The following SNX29 variants were observed in gnomAD, a reference collection of about 807,000 sequenced individuals.
SNX29 encodes the protein sorting nexin 29, also known as sorting nexin-29.
In SNX29, 78 loss-of-function variants were observed where a neutral mutation model predicts 102.1. The observed-to-expected ratio is 0.76, with a 90% confidence interval of 0.64 to 0.92. The LOEUF (loss-of-function observed/expected upper bound fraction) is 0.92, where lower values mean the gene tolerates loss of function less well. Among genes scored for constraint, SNX29 ranks in the 40% least tolerant of loss-of-function variants. SNX29 has a pLI of 0.00. For missense variants in SNX29, 1,280 were observed against 1,061.7 expected, an observed-to-expected ratio of 1.21 and a Z score of -2.86; for synonymous variants, 580 against 414.5, an observed-to-expected ratio of 1.40 and a Z score of -4.85.
Position 12,007,919 on chromosome 16 carries a change from C to T in SNX29, c.122+4876C>T, listed in dbSNP as rs554848875. Among the ~76,000 whole-genome samples the T allele has an allele frequency of 1.1e-3, 173 of 152,272 alleles. 2 individuals are homozygous for T. Among genetic ancestry groups the T allele is most frequent in the African/African-American group, 4.0e-3 (167 of 41,568 alleles). ...GATCCAGCCATCTGCCCTTTTTCTC[C>T]TTTTGTTTTTAAAGCTTTTCACTAC... On this transcript the variant is annotated intron_variant, in intron 3 of 20. Transcript: ENST00000566228.
chr16:12,481,625 C>T (rs1407982434), intron 19 of SNX29, among the ~76,000 whole-genome samples: 1 of 151,994 alleles, frequency 6.6e-6, no homozygotes, highest in Non-Finnish European at 1.5e-5. Context: ...ACCTCCGTCT[C>T]CTGGGTTCAA....
At chr16:12,481,644 C>G (rs1182286917) in intron 19 of SNX29, among the ~76,000 whole-genome samples, 2 of 151,942 alleles carry the variant, frequency 1.3e-5, no homozygotes, top group South Asian at 4.1e-4. Context: ...AAGTGATTAT[C>G]CTGCCTCAGC....
chr16:12,538,684 C>T (rs937030858), intron 20 of SNX29, among the ~76,000 whole-genome samples: 1 of 152,090 alleles, frequency 6.6e-6, no homozygotes, highest in Admixed American at 6.6e-5. Flanking sequence ...ATCCTCCTCC[C>T]AGGACCAGTG....
At chr16:12,398,841 A>G (rs994168666) in intron 17 of SNX29, among the ~76,000 whole-genome samples, 1 of 145,876 alleles carries the variant, frequency 6.9e-6, no homozygotes, top group African/African-American at 2.6e-5. Context: ...AGTAAAAGCT[A>G]TCCCCTTTGC....
At chr16:12,013,500 A>AAAAAAAAAATATATATATAT in intron 3 of SNX29, among the ~76,000 whole-genome samples, 4 of 31,626 alleles carry the variant, frequency 1.3e-4, no homozygotes, top group Non-Finnish European at 1.8e-4. Flanking sequence ...AAAAAAAAAA[A>AAAAAAAAAATATATATATAT]ATATATATAT....
chr16:12,193,880 G>T (rs532306484), intron 13 of SNX29, among the ~76,000 whole-genome samples: 1 of 152,204 alleles, frequency 6.6e-6, no homozygotes. Context: ...ACATTGGCTT[G>T]AGGGCTGTAG....
At chr16:12,331,338 A>G (rs2081286477) in intron 15 of SNX29, among the ~76,000 whole-genome samples, 1 of 152,216 alleles carries the variant, frequency 6.6e-6, no homozygotes, top group African/African-American at 2.4e-5. Context: ...TGGTACCAGA[A>G]AAAGACACAG....
At chr16:12,545,339 T>C (rs1179881352) in intron 20 of SNX29, 1 of 152,168 alleles carries the variant, frequency 6.6e-6, no homozygotes, top group Non-Finnish European at 1.5e-5. Flanking sequence ...GGGTGTCACA[T>C]AGTTCCAAGT....
chr16:12,544,414 C>G lies in SNX29; in HGVS notation c.2318+19573C>G, dbSNP rs186138619. Among the ~76,000 whole-genome samples, 37 of 152,276 alleles carry G rather than the reference C, an allele frequency of 2.4e-4. No homozygotes were observed. In the East Asian group the frequency reaches 5.0e-3, roughly 21 times the overall value. ...AGGTGGTTCTGCTAAAACATTATGT[C>G]AGCTGGTGGGATTTGGACGTTTCTC... On this transcript the variant is annotated intron_variant, in intron 20 of 20. Transcript: ENST00000566228.
At chr16:12,218,164 T>C (rs1010686557) in intron 14 of SNX29, among the ~76,000 whole-genome samples, 1 of 152,260 alleles carries the variant, frequency 6.6e-6, no homozygotes, top group Non-Finnish European at 1.5e-5. Flanking sequence ...TTGTACTTCA[T>C]ACTTTGATTT....
At chr16:12,210,663 T>C (rs1157701129) in intron 14 of SNX29, among the ~76,000 whole-genome samples, 1 of 152,082 alleles carries the variant, frequency 6.6e-6, no homozygotes, top group Non-Finnish European at 1.5e-5. Flanking sequence ...TTTTTCCAGC[T>C]GCATCCTTGC....
chr16:12,072,433 T>G (rs2051345038), intron 10 of SNX29, among the ~76,000 whole-genome samples: 1 of 152,184 alleles, frequency 6.6e-6, no homozygotes, highest in Non-Finnish European at 1.5e-5. Flanking sequence ...AATCATGTGG[T>G]TTTTGTCTTT....
At chr16:12,136,665 A>G (rs2054672424) in intron 13 of SNX29, among the ~76,000 whole-genome samples, 1 of 152,080 alleles carries the variant, frequency 6.6e-6, no homozygotes, top group South Asian at 2.1e-4. Context: ...TAGCACTGAG[A>G]CTCGCACAGG....
chr16:12,089,075 G>A (rs2052364571), intron 11 of SNX29, among the ~76,000 whole-genome samples: 1 of 151,622 alleles, frequency 6.6e-6, no homozygotes, highest in African/African-American at 2.4e-5. Context: ...GGCAGAGTGA[G>A]ACTTTGTCTC....
In SNX29 at chr16:12,568,608, G is replaced by T. The variant is rs1357466368; in HGVS notation, c.2421G>T (p.Glu807Asp). ...AGCCCCGGGAGACCCGCAACGTGGAGCCCCAGAGCGGTGACCTCTGACCTC... is the reference window on the plus strand; with the variant it reads ...AGCCCCGGGAGACCCGCAACGTGGATCCCCAGAGCGGTGACCTCTGACCTC... ...RGQPRETRNV[E>D]PQSGDL is the part of the protein sequence containing the mutation. Residue 807 changes from glutamate (E) to aspartate (D), a missense_variant, in exon 21 of 21, where the codon GAG becomes GAT. Transcript: ENST00000566228. 2 of 1,604,600 alleles carry T rather than the reference G, an allele frequency of 1.2e-6. No individual in the cohort carries two copies. Among genetic ancestry groups the T allele is most frequent in the South Asian group, 1.1e-5 (1 of 91,074 alleles).
At position 12,491,368 on chromosome 16, in the gene SNX29, C is replaced by T. The variant is rs76582631; in HGVS notation, c.2178+13509C>T. ...CAAATTGTACTCCAAGATGGCAGCACCAGTGGTTCACTCTCAATCATGGGT... is the reference window on the plus strand; with the variant it reads ...CAAATTGTACTCCAAGATGGCAGCATCAGTGGTTCACTCTCAATCATGGGT... On this transcript the variant is annotated intron_variant, in intron 19 of 20. Transcript: ENST00000566228. 9.8e-3 allele frequency among the ~76,000 whole-genome samples: 1,497 copies of T among 152,328 alleles called. 29 individuals carry two copies. The highest frequency in any genetic ancestry group is 0.035 in the African/African-American group (1,440 of 41,558).
rs58157322 is a variant in SNX29 at position 12,512,369 on chromosome 16, A to AATATATATAT, written c.2179-12293_2179-12284dup. Among the ~76,000 whole-genome samples, 84 of 43,886 alleles carry AATATATATAT rather than the reference A, an allele frequency of 1.9e-3. 1 individual carries two copies. The highest frequency in any genetic ancestry group is 3.0e-3 in the Non-Finnish European group (71 of 23,732). The allele number at this position is 43,886 out of a possible 152,430, so 28.8% of individuals were successfully genotyped here. Reference sequence around the variant, plus strand: ...CGTCCATCATGGAAGGCCCAGGGAAAATATATATATATATATATATATATA... The same window carrying AATATATATAT: ...CGTCCATCATGGAAGGCCCAGGGAAAATATATATATATATATATATATATATATATATATA... On this transcript the variant is annotated intron_variant, in intron 19 of 20. Coordinates refer to ENST00000566228, the MANE Select transcript of SNX29 (RefSeq NM_032167.5).
At position 12,568,666 on chromosome 16, in the gene SNX29, C is replaced by G. The variant is rs1018185252; in HGVS notation, c.*37C>G. On this transcript the variant is annotated 3_prime_UTR_variant, in exon 21 of 21. Transcript: ENST00000566228. ...CCGCAGCCACGGGCCCTGTGCGTGG[C>G]ACCAGCTGCGTCCACCCCAGCCACT... 53 of 1,593,024 alleles carry G rather than the reference C, an allele frequency of 3.3e-5. No individual in the cohort carries two copies. The highest frequency in any genetic ancestry group is 4.3e-5 in the Non-Finnish European group (50 of 1,176,144).
At chr16:12,277,473 A>T in intron 14 of SNX29, among the ~76,000 whole-genome samples, 1 of 152,132 alleles carries the variant, frequency 6.6e-6, no homozygotes, top group East Asian at 1.9e-4. Context: ...CTGCCAAAAC[A>T]TTGCCTGTTT....
Sources: allele counts gnomAD v4.1 joint callset (sites outside exome capture counted in the v4.1 genomes callset), GRCh38; gene constraint gnomAD v4.1.1; transcripts MANE v1.5; gene names NCBI Gene and HGNC (gene_info 2026-07-23, HGNC 2026-07-21).